PPP2R5E: variants seen among roughly 807,000 people sequenced by gnomAD.
PPP2R5E encodes serine/threonine-protein phosphatase 2A 56 kDa regulatory subunit epsilon isoform.
PPP2R5E carries 4 observed loss-of-function variants against 65.3 expected under a neutral mutation model. That is an observed-to-expected ratio of 0.06 (90% confidence interval 0.03 to 0.14). The LOEUF (loss-of-function observed/expected upper bound fraction) is 0.14, where lower values mean the gene tolerates loss of function less well. PPP2R5E is among the 10% of genes least tolerant of loss of function. The pLI is 1.00. For synonymous variants in PPP2R5E, 183 were observed against 187.4 expected (o/e 0.98, Z 0.19); for missense variants, 274 against 556.1 (o/e 0.49, Z 5.10).
At chr14:63,487,395 C>A (rs1891049877) in intron 2 of PPP2R5E, among the ~76,000 whole-genome samples, 1 of 152,076 alleles carries the variant, frequency 6.6e-6, no homozygotes, top group Non-Finnish European at 1.5e-5. Context: ...CTCCAATGCT[C>A]CTAAACATTG....
At position 63,418,841 on chromosome 14, in the gene PPP2R5E, C is replaced by CTTT. The variant is rs772740856; in HGVS notation, c.456+3149_456+3151dup. ...TTTGTTATAATCAGTAATTTTTTTACTTTTTTTTTTTTTTTTTTTTTTGGT... is the reference window on the plus strand; with the variant it reads ...TTTGTTATAATCAGTAATTTTTTTACTTTTTTTTTTTTTTTTTTTTTTTTTGGT... On this transcript the variant is annotated intron_variant, in intron 4 of 13. Coordinates refer to ENST00000337537, the MANE Select transcript of PPP2R5E (RefSeq NM_006246.5). Among the ~76,000 whole-genome samples, 389 of 105,060 alleles carry CTTT rather than the reference C, an allele frequency of 3.7e-3. 3 individuals are homozygous for CTTT. The highest frequency in any genetic ancestry group is 5.6e-3 in the Middle Eastern group (1 of 180). 68.9% of individuals were successfully genotyped at this position (105,060 alleles called of 152,430 possible).
chr14:63,488,590 T>TTTG (rs1339821678), intron 2 of PPP2R5E, among the ~76,000 whole-genome samples: 2 of 152,172 alleles, frequency 1.3e-5, no homozygotes. Context: ...GGGTCATGCC[T>TTTG]GTAATCCCAG....
In PPP2R5E at chr14:63,424,773, AG is replaced by A. The variant is rs1000539354; in HGVS notation, c.355-2680del. 1.3e-4 allele frequency among the ~76,000 whole-genome samples: 20 copies of A among 151,984 alleles called. No individual in the cohort carries two copies. The East Asian group carries it at 3.7e-3, about 28-fold the overall frequency. On this transcript the variant is annotated intron_variant, in intron 3 of 13. Coordinates refer to ENST00000337537, the MANE Select transcript of PPP2R5E (RefSeq NM_006246.5). Reference sequence around the variant, plus strand: ...CTCAAAAAAAAAAAAAAAGACAGAAAGGGTCCTTGGGCACCCAGTATTTAGA... The same window carrying A: ...CTCAAAAAAAAAAAAAAAGACAGAAAGGTCCTTGGGCACCCAGTATTTAGA...
intron 2 of PPP2R5E, among the ~76,000 whole-genome samples, chr14:63,483,952 G>A (rs1321168861): frequency 6.6e-6 from 1 of 151,924 alleles, no homozygotes; most frequent in Non-Finnish European, 1.5e-5. Context: ...GACTGGTGGC[G>A]CGCGCCTATA....
chr14:63,422,123 G>A (rs748765595), intron 3 of PPP2R5E, 29 bp from the exon 4 acceptor site: 36 of 1,559,464 alleles, frequency 2.3e-5, no homozygotes, highest in East Asian at 1.3e-4. Flanking sequence ...CAGAGTTAAC[G>A]GGAAGCACCT....
chr14:63,482,070 C>T (rs1226845138), intron 2 of PPP2R5E, among the ~76,000 whole-genome samples: 1 of 152,164 alleles, frequency 6.6e-6, no homozygotes, highest in Non-Finnish European at 1.5e-5. Context: ...CGTTATGCAA[C>T]TATGTAAACA....
chr14:63,468,960 G>T (rs1889975859), intron 2 of PPP2R5E, among the ~76,000 whole-genome samples: 1 of 152,094 alleles, frequency 6.6e-6, no homozygotes, highest in Non-Finnish European at 1.5e-5. Context: ...CTAAAATTTT[G>T]CAAACTTTTA....
intron 2 of PPP2R5E, among the ~76,000 whole-genome samples, chr14:63,519,066 T>C (rs533229336): frequency 3.3e-5 from 5 of 151,984 alleles, no homozygotes; most frequent in Non-Finnish European, 5.9e-5. Flanking sequence ...AATACAAAAT[T>C]AGCCAGGCGT....
chr14:63,410,003 G>T (rs533876481), intron 5 of PPP2R5E, among the ~76,000 whole-genome samples: 2 of 152,224 alleles, frequency 1.3e-5, no homozygotes, highest in Non-Finnish European at 2.9e-5. Context: ...CAAACCCAAA[G>T]CTTCCTAACT....
intron 2 of PPP2R5E, among the ~76,000 whole-genome samples, chr14:63,538,029 G>C (rs188303241): frequency 6.6e-6 from 1 of 152,148 alleles, no homozygotes; most frequent in Non-Finnish European, 1.5e-5. Flanking sequence ...GTGTTGGGCC[G>C]GGCATGGTGG....
At chr14:63,439,696 G>A (rs1888121408) in intron 3 of PPP2R5E, among the ~76,000 whole-genome samples, 1 of 152,160 alleles carries the variant, frequency 6.6e-6, no homozygotes, top group Non-Finnish European at 1.5e-5. Flanking sequence ...GTTTGTCTAT[G>A]CCACTGACCC....
chr14:63,505,971 T>A (rs1892152230), intron 2 of PPP2R5E, among the ~76,000 whole-genome samples: 1 of 152,152 alleles, frequency 6.6e-6, no homozygotes, highest in Non-Finnish European at 1.5e-5. Flanking sequence ...AGGCAAGGCT[T>A]TCAATAAAAG....
chr14:63,478,155 C>G (rs377170697), intron 2 of PPP2R5E, among the ~76,000 whole-genome samples: 2 of 152,200 alleles, frequency 1.3e-5, no homozygotes, highest in South Asian at 2.1e-4. Context: ...GAACTGAAAA[C>G]AGACTATTTT....
chr14:63,381,981 G>C, intron 13 of PPP2R5E, 75 bp downstream of exon 13: 1 of 1,195,726 alleles, frequency 8.4e-7, no homozygotes, highest in Non-Finnish European at 1.2e-6. Flanking sequence ...GGTACAATTA[G>C]GCAACTTCAG....
intron 2 of PPP2R5E, among the ~76,000 whole-genome samples, chr14:63,471,203 T>G (rs186514250): frequency 2.0e-5 from 3 of 152,258 alleles, no homozygotes; most frequent in Non-Finnish European, 4.4e-5. Flanking sequence ...AGATGTCTTA[T>G]GTATAGATTG....
At chr14:63,520,870 AAAAAAAAAAAAAAAAAC>A (rs1892876298) in intron 2 of PPP2R5E, among the ~76,000 whole-genome samples, 2 of 99,332 alleles carry the variant, frequency 2.0e-5, no homozygotes, top group African/African-American at 1.2e-4. Flanking sequence ...AAAAAAAAAA[AAAAAAAAAAAAAAAAAC>A]AATTAGCCGG....
At chr14:63,435,178 C>T (rs1887892819) in intron 3 of PPP2R5E, among the ~76,000 whole-genome samples, 1 of 151,984 alleles carries the variant, frequency 6.6e-6, no homozygotes, top group Non-Finnish European at 1.5e-5. Flanking sequence ...TATATAATTG[C>T]TAAATTCATT....
In PPP2R5E at chr14:63,463,371, G is replaced by A. The variant is rs1371262839; in HGVS notation, c.158-9486C>T. On this transcript the variant is annotated intron_variant, in intron 2 of 13. Coordinates refer to ENST00000337537, the MANE Select transcript of PPP2R5E (RefSeq NM_006246.5). ...TGGCCAGGATGGTATCGAACTCCTG[G>A]CCTCGTGATCGCCCACCTCGGCCTC... Among the ~76,000 whole-genome samples, 3 of 150,580 alleles carry A rather than the reference G, an allele frequency of 2.0e-5. No individual in the cohort carries two copies. In the East Asian group the frequency reaches 6.1e-4, roughly 31 times the overall value.
At chr14:63,466,425 C>T (rs1027296550) in intron 2 of PPP2R5E, among the ~76,000 whole-genome samples, 2 of 152,160 alleles carry the variant, frequency 1.3e-5, no homozygotes, top group East Asian at 3.9e-4. Flanking sequence ...CTTCTAATCC[C>T]AAGAGTAATA....
Sources: gnomAD v4.1 joint callset for allele counts (sites outside exome capture counted in the v4.1 genomes callset) on GRCh38, gnomAD v4.1.1 for gene constraint, MANE v1.5 for transcripts, NCBI Gene and HGNC (gene_info 2026-07-23, HGNC 2026-07-21) for gene names.